POLN: variants seen among roughly 807,000 people sequenced by gnomAD.
The protein encoded by POLN is DNA polymerase nu, also known as DNA polymerase N.
A neutral mutation model predicts 113.5 loss-of-function variants in POLN; 108 were observed. The ratio of observed to expected loss-of-function variants is 0.95; its 90% CI spans 0.81 to 1.12. The LOEUF (loss-of-function observed/expected upper bound fraction) is 1.12, where lower values mean the gene tolerates loss of function less well. POLN is among the 50% of genes most tolerant of loss of function. POLN has a pLI of 0.00. For missense variants in POLN, 1,097 were observed against 1,077.1 expected, an observed-to-expected ratio of 1.02 and a Z score of -0.26; for synonymous variants, 386 against 391.5, an observed-to-expected ratio of 0.99 and a Z score of 0.17.
intron 13 of POLN, among the ~76,000 whole-genome samples, chr4:2,168,292 A>G (rs1477947143): frequency 6.6e-6 from 1 of 152,160 alleles, no homozygotes; most frequent in Non-Finnish European, 1.5e-5. Flanking sequence ...GGGAGGGGAC[A>G]GGCGCTGGGG....
intron 25 of POLN, among the ~76,000 whole-genome samples, chr4:2,072,766 G>A (rs990377245): frequency 2.6e-5 from 4 of 152,196 alleles, no homozygotes; most frequent in Non-Finnish European, 4.4e-5. Flanking sequence ...CCCGGCTGCC[G>A]TCCCTGTTCA....
At chr4:2,157,157 G>A (rs556525824) in intron 15 of POLN, among the ~76,000 whole-genome samples, 15 of 152,292 alleles carry the variant, frequency 9.8e-5, no homozygotes, top group Admixed American at 6.5e-4. Flanking sequence ...AGCTTGGTGC[G>A]GGCTCGAGGT....
At chr4:2,174,970 C>T (rs1214403533) in intron 9 of POLN, among the ~76,000 whole-genome samples, 1 of 151,876 alleles carries the variant, frequency 6.6e-6, no homozygotes, top group Non-Finnish European at 1.5e-5. Context: ...CTACAGGCAC[C>T]CCCCACCATG....
chr4:2,188,384 A>C (rs1192045199), intron 7 of POLN, among the ~76,000 whole-genome samples: 1 of 152,166 alleles, frequency 6.6e-6, no homozygotes, highest in Non-Finnish European at 1.5e-5. Context: ...GCAGATCACG[A>C]GGTCAGGAGA....
chr4:2,144,698 T>C (rs1051491169), intron 16 of POLN, among the ~76,000 whole-genome samples: 1 of 152,218 alleles, frequency 6.6e-6, no homozygotes, highest in African/African-American at 2.4e-5. Flanking sequence ...CCGTTAGCTG[T>C]ATTTAGCACT....
intron 2 of POLN, chr4:2,240,994 T>TTGA (rs1560107603): frequency 7.2e-7 from 1 of 1,379,738 alleles, no homozygotes; most frequent in African/African-American, 1.5e-5. Context: ...GTTTACGGTG[T>TTGA]TGATTTTTAG....
At chr4:2,136,132 G>T (rs1031485473) in intron 16 of POLN, among the ~76,000 whole-genome samples, 1 of 152,218 alleles carries the variant, frequency 6.6e-6, no homozygotes, top group South Asian at 2.1e-4. Flanking sequence ...TGTCCAGGGG[G>T]CGGAGACCAT....
intron 19 of POLN, among the ~76,000 whole-genome samples, chr4:2,114,270 T>C (rs991007632): frequency 3.3e-5 from 5 of 152,084 alleles, no homozygotes; most frequent in African/African-American, 1.2e-4. Flanking sequence ...ATATATAAAA[T>C]AAACTATGTA....
intron 13 of POLN, 26 bp from the exon 14 acceptor site, chr4:2,159,237 A>G: frequency 2.6e-6 from 4 of 1,542,352 alleles, no homozygotes; most frequent in Non-Finnish European, 3.6e-6. Context: ...GATACTACCA[A>G]TGTAATTCGT....
chr4:2,109,958 G>C (rs1283789847), intron 19 of POLN, among the ~76,000 whole-genome samples: 1 of 151,718 alleles, frequency 6.6e-6, no homozygotes, highest in Non-Finnish European at 1.5e-5. Context: ...TTTTGGTATT[G>C]TTTTAGAGGT....
At chr4:2,153,389 T>TAACAATAAAACAACAATAAAA (rs1473514324) in intron 16 of POLN, among the ~76,000 whole-genome samples, 27 of 152,124 alleles carry the variant, frequency 1.8e-4, no homozygotes, top group Non-Finnish European at 2.6e-4. Context: ...GAGAGAAGTG[T>TAACAATAAAACAACAATAAAA]CTACAATAAA....
chr4:2,213,012 T>C (rs1192552239), intron 4 of POLN, 35 bp downstream of exon 4: 5 of 1,445,300 alleles, frequency 3.5e-6, no homozygotes, highest in Admixed American at 1.8e-5. Flanking sequence ...AAATAAGTTA[T>C]CTATTTAAAA....
chr4:2,108,195 C>T (rs181269766), intron 19 of POLN, among the ~76,000 whole-genome samples: 95 of 152,264 alleles, frequency 6.2e-4, no homozygotes, highest in Non-Finnish European at 1.1e-3. Flanking sequence ...AGAGAAGGTG[C>T]GAGGCATTGA....
At chr4:2,214,107 G>A (rs765763637) in intron 3 of POLN, among the ~76,000 whole-genome samples, 2 of 152,046 alleles carry the variant, frequency 1.3e-5, no homozygotes, top group Non-Finnish European at 2.9e-5. Flanking sequence ...GTGGTGGCAA[G>A]CACCTGCAAT....
intron 17 of POLN, 91 bp downstream of exon 17, chr4:2,131,142 A>G: frequency 1.1e-6 from 1 of 910,946 alleles, no homozygotes; most frequent in South Asian, 1.6e-5. Context: ...CTGTGATCGC[A>G]CAAATGCACT....
At chr4:2,155,000 C>T (rs951079041) in intron 16 of POLN, among the ~76,000 whole-genome samples, 2 of 152,112 alleles carry the variant, frequency 1.3e-5, no homozygotes, top group African/African-American at 4.8e-5. Flanking sequence ...TACTCACAAA[C>T]CAGACCCTTC....
chr4:2,165,711 C>T (rs1732712617), intron 13 of POLN, among the ~76,000 whole-genome samples: 1 of 152,010 alleles, frequency 6.6e-6, no homozygotes, highest in African/African-American at 2.4e-5. Context: ...ACAGCGAGTA[C>T]AGAACAGGGA....
At chr4:2,074,449 T>C (rs900113238) in intron 24 of POLN, among the ~76,000 whole-genome samples, 1 of 152,206 alleles carries the variant, frequency 6.6e-6, no homozygotes. Flanking sequence ...AACAAGGCCG[T>C]TTGGGAACGT....
intron 3 of POLN, among the ~76,000 whole-genome samples, chr4:2,213,615 G>C (rs1323574248): frequency 6.6e-6 from 1 of 152,176 alleles, no homozygotes; most frequent in Non-Finnish European, 1.5e-5. Context: ...TAGGATTTGG[G>C]AGTCTGTGCT....
Sources: allele counts gnomAD v4.1 joint callset (sites outside exome capture counted in the v4.1 genomes callset), GRCh38; gene constraint gnomAD v4.1.1; transcripts MANE v1.5; gene names NCBI Gene and HGNC (gene_info 2026-07-23, HGNC 2026-07-21).